SSH1: variants seen among roughly 807,000 people sequenced by gnomAD.
SSH1 encodes the protein protein phosphatase Slingshot homolog 1.
In SSH1, 43 loss-of-function variants were observed where a neutral mutation model predicts 79.7. That is an observed-to-expected ratio of 0.54 (90% CI 0.42 to 0.70). The LOEUF (loss-of-function observed/expected upper bound fraction) is 0.70. Among genes scored for constraint, SSH1 ranks in the 30% least tolerant of loss-of-function variants. SSH1 has a pLI of 0.00. For synonymous variants in SSH1, 599 were observed against 538.3 expected (o/e 1.11, Z -1.56); for missense variants, 1,206 against 1,358.8 (o/e 0.89, Z 1.77).
At position 108,818,327 on chromosome 12, in the gene SSH1, A is replaced by G. The variant is rs1338219680; in HGVS notation, c.215-14T>C. The G allele has an allele frequency of 2.5e-6, 4 of 1,613,390 alleles. No homozygotes were observed. The highest frequency in any genetic ancestry group is 3.4e-6 in the Non-Finnish European group (4 of 1,179,568). The stretch of plus-strand genomic sequence containing the variant: ...GAGGCAGATCACCTGTTGGACCAAT[A>G]AAGAAAGCTTTAAAAGGTCTCTTAC... On this transcript the variant is annotated splice_polypyrimidine_tract_variant and intron_variant, in intron 3 of 14. Coordinates refer to ENST00000326495, the MANE Select transcript of SSH1 (RefSeq NM_018984.4).
chr12:108,828,497 G>C (rs991689822), intron 2 of SSH1, among the ~76,000 whole-genome samples: 2 of 152,246 alleles, frequency 1.3e-5, no homozygotes, highest in African/African-American at 4.8e-5. Context: ...TAATGGCAAA[G>C]CCACTAAGGC....
chr12:108,817,940 CTA>C (rs770440209), intron 4 of SSH1, among the ~76,000 whole-genome samples: 28 of 152,188 alleles, frequency 1.8e-4, no homozygotes, highest in Admixed American at 6.5e-4. Context: ...TGGCTTACAC[CTA>C]TAACTCCAGG....
Position 108,799,117 on chromosome 12 carries a change from TC to T in SSH1, c.1231del (p.Glu411AsnfsTer13). On this transcript the variant is annotated frameshift_variant, in exon 13 of 15. Coordinates refer to ENST00000326495, the MANE Select transcript of SSH1 (RefSeq NM_018984.4). LOFTEE classifies it high-confidence loss of function. ...ASTVIAYAMK[E>X]FGWPLEKAYN... ...TGCTTTTTCCAGAGGCCAGCCGAAT[TC>T]CTTCATTGCATAGGCTATGACTGTG... 1 of 1,614,252 alleles carries T rather than the reference TC, an allele frequency of 6.2e-7. No individual in the cohort carries two copies. The highest frequency in any genetic ancestry group is 8.5e-7 in the Non-Finnish European group (1 of 1,180,042).
rs985408800 is a variant in SSH1, at chr12:108,782,370, G to A, written c.*5618C>T. The A allele has an allele frequency of 6.6e-6, 1 of 151,900 alleles. No individual in the cohort carries two copies. Among genetic ancestry groups the A allele is most frequent in the Admixed American group, 6.6e-5 (1 of 15,232 alleles). The allele number at this position is 151,900 out of a possible 1,614,324, so 9.4% of individuals were successfully genotyped here. ...TGGCTTTACATTTCCTACTTGTACGGGAAGAGAACCCACCCAAAGTCCAAA... is the reference window on the plus strand; with the variant it reads ...TGGCTTTACATTTCCTACTTGTACGAGAAGAGAACCCACCCAAAGTCCAAA... On this transcript the variant is annotated 3_prime_UTR_variant, in exon 15 of 15. Transcript: ENST00000326495.
At chr12:108,842,022 G>A (rs1403866776) in intron 2 of SSH1, among the ~76,000 whole-genome samples, 1 of 152,060 alleles carries the variant, frequency 6.6e-6, no homozygotes, top group Non-Finnish European at 1.5e-5. Flanking sequence ...CCAGCTACTT[G>A]GGAGGCTGAG....
Position 108,788,476 on chromosome 12 carries a change from C to A in SSH1, c.2662G>T (p.Ala888Ser). 6.4e-7 allele frequency: 1 copy of A among 1,555,964 alleles called. No homozygotes were observed. Among genetic ancestry groups the A allele is most frequent in the Non-Finnish European group, 8.7e-7 (1 of 1,153,762 alleles). ...GSDEKSEAAP[A>S]SLEGGSLKSP... ...TTCAGTGAGCCTCCTTCCAATGAAGCGGGGGCGGCCTCTGACTTCTCATCA... is the reference window on the plus strand; with the variant it reads ...TTCAGTGAGCCTCCTTCCAATGAAGAGGGGGCGGCCTCTGACTTCTCATCA... Residue 888 changes from alanine (A) to serine (S), a missense_variant, in exon 15 of 15, where the codon GCT becomes TCT. Coordinates refer to ENST00000326495, the MANE Select transcript of SSH1 (RefSeq NM_018984.4).
intron 2 of SSH1, chr12:108,827,592 A>G: frequency 1.6e-6 from 2 of 1,244,890 alleles, no homozygotes; most frequent in Non-Finnish European, 2.0e-6. Context: ...AGGGCCATTC[A>G]GCAAAACAGC....
At chr12:108,804,662 G>C (rs1379019213) in intron 10 of SSH1, among the ~76,000 whole-genome samples, 3 of 152,156 alleles carry the variant, frequency 2.0e-5, no homozygotes, top group Non-Finnish European at 4.4e-5. Context: ...CATAATTCTG[G>C]GGTTTGGTGA....
At chr12:108,841,291 C>T (rs1420701779) in intron 2 of SSH1, among the ~76,000 whole-genome samples, 1 of 152,274 alleles carries the variant, frequency 6.6e-6, no homozygotes, top group Non-Finnish European at 1.5e-5. Flanking sequence ...TGCGTGCACG[C>T]TCACGCAATG....
chr12:108,835,470 C>G (rs2038579916), intron 2 of SSH1, among the ~76,000 whole-genome samples: 1 of 152,086 alleles, frequency 6.6e-6, no homozygotes, highest in Non-Finnish European at 1.5e-5. Context: ...CACTGAGGCT[C>G]AGGGAGGTTA....
At position 108,800,866 on chromosome 12, in the gene SSH1, T is replaced by C. The variant is rs150395957; in HGVS notation, c.1062A>G (p.Ala354=). 1.2e-6 allele frequency: 2 copies of C among 1,614,010 alleles called. No homozygotes were observed. The highest frequency in any genetic ancestry group is 1.7e-6 in the Non-Finnish European group (2 of 1,179,926). Residue 354 remains alanine, a synonymous_variant, in exon 12 of 15, where the codon GCA becomes GCG. Coordinates refer to ENST00000326495, the MANE Select transcript of SSH1 (RefSeq NM_018984.4). ...EIDNFFPGLF[A]YHNIRVYDEE... ...CATCGTAGACTCGGATGTTATGATA[T>C]GCAAATAAGCCAGGAAAAAAATTAT...
At chr12:108,802,184 C>T in intron 11 of SSH1, 138 bp downstream of exon 11, 3 of 727,714 alleles carry the variant, frequency 4.1e-6, no homozygotes, top group Non-Finnish European at 7.5e-6. Context: ...CTATGCACAT[C>T]AACCCCTGGC....
chr12:108,827,668 T>C, intron 2 of SSH1: 1 of 788,256 alleles, frequency 1.3e-6, no homozygotes, highest in Non-Finnish European at 1.7e-6. Context: ...AGCACCGGGG[T>C]GTGCATTCGA....
At chr12:108,826,250 T>C (rs2038304779) in intron 2 of SSH1, 2 of 431,204 alleles carry the variant, frequency 4.6e-6, no homozygotes, top group East Asian at 1.4e-4. Context: ...TTTCACTCTG[T>C]GATCACTTAC....
rs2038103417 is a variant in SSH1, at chr12:108,821,188, T to C, written c.214+2070A>G. ...TGAGGCCAGGAGTTGGAGACCAGCC[T>C]GAGCAACATAGTGAGTGAGACCTCA... On this transcript the variant is annotated intron_variant, in intron 3 of 14. Transcript: ENST00000326495. Among the ~76,000 whole-genome samples the C allele has an allele frequency of 2.0e-5, 3 of 150,864 alleles. No homozygotes were observed. In the Admixed American group the frequency reaches 2.0e-4, roughly 10 times the overall value.
intron 5 of SSH1, among the ~76,000 whole-genome samples, chr12:108,814,135 A>T (rs2037769727): frequency 6.6e-6 from 1 of 152,104 alleles, no homozygotes; most frequent in Admixed American, 6.5e-5. Flanking sequence ...GAGGCAGGAG[A>T]ATCGCTTGAA....
chr12:108,801,039 A>C (rs2036978885), intron 11 of SSH1, 113 bp from the exon 12 acceptor site: 8 of 1,101,052 alleles, frequency 7.3e-6, no homozygotes, highest in Non-Finnish European at 1.3e-6. Flanking sequence ...ACCAAGGGTC[A>C]TATGTTCGTG....
chr12:108,850,576 T>G (rs1593135860), intron 2 of SSH1, among the ~76,000 whole-genome samples: 1 of 9,572 alleles, frequency 1.0e-4, no homozygotes, highest in Non-Finnish European at 1.8e-4. Context: ...GAGGGGAACT[T>G]GGGGAGGGGA....
At position 108,811,429 on chromosome 12, in the gene SSH1, C is replaced by T. The variant is rs182343189; in HGVS notation, c.402-101G>A. 4.8e-5 allele frequency: 49 copies of T among 1,018,834 alleles called. No homozygotes were observed. The East Asian group carries it at 7.9e-4, about 16-fold the overall frequency. 63.1% of individuals were successfully genotyped at this position (1,018,834 alleles called of 1,614,324 possible). ...GGTCCAGGACGGGCTGTTGGACGTA[C>T]GTGTGGGAGTAGGCTGTCTGCATAG... On this transcript the variant is annotated intron_variant, in intron 5 of 14. Transcript: ENST00000326495.
Sources: allele counts gnomAD v4.1 joint callset (sites outside exome capture counted in the v4.1 genomes callset), GRCh38; gene constraint gnomAD v4.1.1; transcripts MANE v1.5; gene names NCBI Gene and HGNC (gene_info 2026-07-23, HGNC 2026-07-21).